SEM1: variants seen among roughly 807,000 people sequenced by gnomAD.
SEM1 encodes the protein SEM1 26S proteasome subunit.
In SEM1, 3 loss-of-function variants were observed where a neutral mutation model predicts 12.7. That is an observed-to-expected ratio of 0.24 (90% CI 0.11 to 0.61). SEM1 has a LOEUF of 0.61. Ranked by LOEUF, SEM1 falls within the 20% of genes least tolerant of loss-of-function variation. SEM1 has a pLI of 0.88. For missense variants in SEM1, 59 were observed against 81.3 expected (o/e 0.73, Z 1.06); for synonymous variants, 30 against 27.8 (o/e 1.08, Z -0.25).
At chr7:96,621,845 C>G (rs1807902037), downstream of SEM1, 1 of 152,188 alleles carries the variant, frequency 6.6e-6, no homozygotes, top group Admixed American at 6.5e-5. Context: ...TCTCTGACAG[C>G]TAAATGTATT....
Position 96,614,239 on chromosome 7 carries a change from TC to T in SEM1, c.170+80558del, listed in dbSNP as rs1228885607. ...CCATGTGTGAATTTATCTATTTATC[TC>T]CTTATACTTTGTTTTCTTAGTTTCA... On this transcript the variant is annotated intron_variant and NMD_transcript_variant, in intron 2 of 3. Coordinates refer to the SEM1 transcript ENST00000466986. Among the ~76,000 whole-genome samples, 4 of 152,230 alleles carry T rather than the reference TC, an allele frequency of 2.6e-5. No homozygotes were observed. The East Asian group carries it at 7.7e-4, about 29-fold the overall frequency.
At chr7:96,626,131 T>A (rs1808055261) in intron 2 of SEM1, among the ~76,000 whole-genome samples, 1 of 152,150 alleles carries the variant, frequency 6.6e-6, no homozygotes, top group African/African-American at 2.4e-5. Flanking sequence ...CTTTTTGTTG[T>A]TTTTGTACAC....
At chr7:96,547,610 G>A (rs1178554542) in intron 2 of SEM1, among the ~76,000 whole-genome samples, 1 of 152,068 alleles carries the variant, frequency 6.6e-6, no homozygotes, top group East Asian at 1.9e-4. Flanking sequence ...TTTTATAACT[G>A]TTTTCACCAC....
chr7:96,606,415 C>A (rs1439090651), intron 2 of SEM1, among the ~76,000 whole-genome samples: 1 of 152,128 alleles, frequency 6.6e-6, no homozygotes, highest in African/African-American at 2.4e-5. Flanking sequence ...GCTGAGCCTA[C>A]CACAGCAAGA....
chr7:96,549,497 C>T (rs1299662427), intron 2 of SEM1, among the ~76,000 whole-genome samples: 1 of 152,094 alleles, frequency 6.6e-6, no homozygotes, highest in East Asian at 1.9e-4. Flanking sequence ...TTCATAAAAG[C>T]GTTCTTTAAT....
chr7:96,542,593 A>C (rs1010850936), intron 2 of SEM1, among the ~76,000 whole-genome samples: 1 of 150,394 alleles, frequency 6.6e-6, no homozygotes, highest in Admixed American at 6.6e-5. Flanking sequence ...CAAATGGAAA[A>C]TAAAAAATGA....
intron 2 of SEM1, among the ~76,000 whole-genome samples, chr7:96,579,601 AC>A (rs1403289758): frequency 6.6e-6 from 1 of 152,162 alleles, no homozygotes; most frequent in Admixed American, 6.5e-5. Flanking sequence ...TGATGTCAAA[AC>A]CCTGCCTCCA....
At chr7:96,622,143 G>A (rs535246114), downstream of SEM1, 1 of 154,724 alleles carries the variant, frequency 6.5e-6, no homozygotes, top group African/African-American at 2.4e-5. Context: ...TGTTATGCCT[G>A]TTGATGTTTC....
At chr7:96,563,229 G>T (rs1805743035) in intron 2 of SEM1, among the ~76,000 whole-genome samples, 1 of 152,034 alleles carries the variant, frequency 6.6e-6, no homozygotes, top group Admixed American at 6.6e-5. Context: ...GATACAAGGA[G>T]GTGGGTAGAG....
At chr7:96,518,224 C>T (rs1804157978) in intron 2 of SEM1, among the ~76,000 whole-genome samples, 1 of 152,120 alleles carries the variant, frequency 6.6e-6, no homozygotes, top group African/African-American at 2.4e-5. Context: ...AAAGTCACCC[C>T]ATATTATTCT....
chr7:96,704,285 T>C (rs747011740), intron 1 of SEM1, among the ~76,000 whole-genome samples: 1 of 152,288 alleles, frequency 6.6e-6, no homozygotes, highest in East Asian at 1.9e-4. Context: ...ACGTTGGTTA[T>C]CACTGGGACA....
intron 2 of SEM1, among the ~76,000 whole-genome samples, chr7:96,607,623 C>T (rs376074058): frequency 7.0e-6 from 1 of 143,038 alleles, no homozygotes; most frequent in Non-Finnish European, 1.6e-5. Flanking sequence ...AGCCACCCCA[C>T]CTCATGTACA....
intron 2 of SEM1, among the ~76,000 whole-genome samples, chr7:96,573,257 T>A (rs542449368): frequency 1.3e-5 from 2 of 152,232 alleles, no homozygotes; most frequent in Non-Finnish European, 2.9e-5. Flanking sequence ...AGTCTGTGTC[T>A]TTTAATTGGG....
At chr7:96,622,550 C>A, downstream of SEM1, 2 of 757,610 alleles carry the variant, frequency 2.6e-6, no homozygotes, top group African/African-American at 1.7e-5. Flanking sequence ...GGTACCTTTG[C>A]CTTCTTTCTT....
chr7:96,696,552 C>A (rs534468184), intron 1 of SEM1: 22 of 152,012 alleles, frequency 1.4e-4, no homozygotes, highest in African/African-American at 5.1e-4. Context: ...CTTTCTATTA[C>A]AACTTATTAA....
chr7:96,614,131 A>G (rs1055184817), intron 2 of SEM1, among the ~76,000 whole-genome samples: 2 of 152,156 alleles, frequency 1.3e-5, no homozygotes, highest in Non-Finnish European at 2.9e-5. Context: ...TTGCTGGGTA[A>G]CATTCTTATC....
At chr7:96,532,361 G>A (rs775128994) in intron 2 of SEM1, among the ~76,000 whole-genome samples, 9 of 152,014 alleles carry the variant, frequency 5.9e-5, no homozygotes, top group African/African-American at 1.2e-4. Flanking sequence ...TAATATTTTG[G>A]TAAGAGTAAT....
intron 2 of SEM1, among the ~76,000 whole-genome samples, chr7:96,577,387 A>T (rs554611302): frequency 6.6e-6 from 1 of 152,174 alleles, no homozygotes; most frequent in South Asian, 2.1e-4. Context: ...TTGCAAAGTG[A>T]CTCTTTGGGT....
chr7:96,556,053 C>G (rs1276666785), intron 2 of SEM1, among the ~76,000 whole-genome samples: 2 of 151,712 alleles, frequency 1.3e-5, no homozygotes, highest in African/African-American at 4.8e-5. Context: ...GTAGATCTTC[C>G]TCCATCCTTT....
Sources: allele counts gnomAD v4.1 joint callset (sites outside exome capture counted in the v4.1 genomes callset), GRCh38; gene constraint gnomAD v4.1.1; transcripts MANE v1.5; gene names NCBI Gene and HGNC (gene_info 2026-07-23, HGNC 2026-07-21).